GAREM1: variants seen among roughly 807,000 people sequenced by gnomAD.
GAREM1 encodes GRB2 associated regulator of MAPK1 subtype 1.
Under a neutral mutation model 71.3 loss-of-function variants are expected in GAREM1, and 26 were observed. That is an observed-to-expected ratio of 0.36 (90% CI 0.27 to 0.51). The LOEUF is 0.51. Ranked by LOEUF, GAREM1 falls within the 20% of genes least tolerant of loss-of-function variation. GAREM1 has a pLI of 0.95. For synonymous variants in GAREM1, 440 were observed against 433.2 expected, an observed-to-expected ratio of 1.02 and a Z score of -0.20; for missense variants, 1,026 against 1,103.1, an observed-to-expected ratio of 0.93 and a Z score of 0.99.
intron 2 of GAREM1, among the ~76,000 whole-genome samples, chr18:32,347,531 A>G (rs193266685): frequency 8.1e-4 from 123 of 152,232 alleles, no homozygotes; most frequent in African/African-American, 2.8e-3. Context: ...GAGAAAAGAA[A>G]TCTTAAATAG....
At chr18:32,387,143 T>C (rs1043461989) in intron 2 of GAREM1, among the ~76,000 whole-genome samples, 1 of 152,062 alleles carries the variant, frequency 6.6e-6, no homozygotes, top group Admixed American at 6.6e-5. Context: ...GGGGATCTGC[T>C]TGACTGGTCA....
At chr18:32,449,557 A>G (rs2048814752) in intron 1 of GAREM1, among the ~76,000 whole-genome samples, 1 of 152,014 alleles carries the variant, frequency 6.6e-6, no homozygotes, top group Admixed American at 6.6e-5. Context: ...GGTGGTGCAC[A>G]CCTGTAGTCC....
At chr18:32,351,969 T>C (rs1466733271) in intron 2 of GAREM1, among the ~76,000 whole-genome samples, 2 of 152,162 alleles carry the variant, frequency 1.3e-5, no homozygotes, top group Non-Finnish European at 2.9e-5. Flanking sequence ...TTGGTACAAA[T>C]GTCCCAATTT....
intron 2 of GAREM1, among the ~76,000 whole-genome samples, chr18:32,359,371 C>T (rs996223590): frequency 6.6e-6 from 1 of 152,022 alleles, no homozygotes; most frequent in East Asian, 1.9e-4. Context: ...CTTATCACAC[C>T]GCATATACTC....
chr18:32,461,915 A>G (rs1010362556), intron 1 of GAREM1, among the ~76,000 whole-genome samples: 3 of 152,164 alleles, frequency 2.0e-5, no homozygotes, highest in Non-Finnish European at 4.4e-5. Flanking sequence ...TCAAACAAAA[A>G]TAAACGAGTT....
At chr18:32,301,835 C>T (rs919848181) in intron 3 of GAREM1, among the ~76,000 whole-genome samples, 3 of 152,108 alleles carry the variant, frequency 2.0e-5, no homozygotes, top group African/African-American at 7.2e-5. Flanking sequence ...AACTTTTGTT[C>T]ATATAAGTTG....
intron 1 of GAREM1, chr18:32,413,354 A>G: frequency 1.5e-6 from 1 of 689,624 alleles, no homozygotes; most frequent in Non-Finnish European, 2.4e-6. Flanking sequence ...TGAAAGAAAC[A>G]AAGACTCATA....
intron 2 of GAREM1, among the ~76,000 whole-genome samples, chr18:32,356,899 C>T (rs536462677): frequency 2.0e-5 from 3 of 152,164 alleles, no homozygotes; most frequent in South Asian, 2.1e-4. Context: ...CCCTCCACCC[C>T]CAACCATGGC....
intron 2 of GAREM1, among the ~76,000 whole-genome samples, chr18:32,382,852 G>A (rs1314298895): frequency 6.6e-6 from 1 of 152,086 alleles, no homozygotes; most frequent in Non-Finnish European, 1.5e-5. Context: ...ACCCTAGGTG[G>A]ACAGAGAACT....
chr18:32,452,178 T>C (rs946934005), intron 1 of GAREM1, among the ~76,000 whole-genome samples: 4 of 152,128 alleles, frequency 2.6e-5, no homozygotes, highest in African/African-American at 9.7e-5. Flanking sequence ...TTACATATTA[T>C]TATAACATAC....
At chr18:32,413,932 A>G (rs2048443693) in intron 1 of GAREM1, among the ~76,000 whole-genome samples, 1 of 152,134 alleles carries the variant, frequency 6.6e-6, no homozygotes. Flanking sequence ...ACAAAAGAAA[A>G]TCACTTTGAC....
chr18:32,335,954 G>C (rs2047587941), intron 2 of GAREM1, among the ~76,000 whole-genome samples: 1 of 152,184 alleles, frequency 6.6e-6, no homozygotes, highest in African/African-American at 2.4e-5. Flanking sequence ...GGAGTGCACT[G>C]TAAGCAGCGA....
At chr18:32,400,334 A>C (rs2048301647) in intron 1 of GAREM1, among the ~76,000 whole-genome samples, 1 of 152,206 alleles carries the variant, frequency 6.6e-6, no homozygotes, top group Non-Finnish European at 1.5e-5. Flanking sequence ...GGATCTAATT[A>C]AACTAAAGAG....
chr18:32,465,572 CT>C (rs1369658064), intron 1 of GAREM1, among the ~76,000 whole-genome samples: 13 of 152,322 alleles, frequency 8.5e-5, no homozygotes, highest in Admixed American at 8.5e-4. Flanking sequence ...GTCTCCTACT[CT>C]TTTTCTTCCC....
At chr18:32,367,766 C>A (rs1158091438) in intron 2 of GAREM1, among the ~76,000 whole-genome samples, 1 of 152,078 alleles carries the variant, frequency 6.6e-6, no homozygotes, top group African/African-American at 2.4e-5. Context: ...CCATACAAAG[C>A]AACAGGGAGA....
chr18:32,300,076 GA>G (rs1462140893), intron 3 of GAREM1, among the ~76,000 whole-genome samples: 1 of 152,130 alleles, frequency 6.6e-6, no homozygotes, highest in Non-Finnish European at 1.5e-5. Context: ...TAAGATAGTA[GA>G]AAAGTGTATT....
At chr18:32,282,877 C>G (rs907397729) in intron 4 of GAREM1, among the ~76,000 whole-genome samples, 3 of 152,178 alleles carry the variant, frequency 2.0e-5, no homozygotes, top group Non-Finnish European at 4.4e-5. Context: ...TTGAAGATTG[C>G]CTTTTGTAGA....
At chr18:32,397,202 C>T (rs965832001) in intron 1 of GAREM1, among the ~76,000 whole-genome samples, 1 of 152,132 alleles carries the variant, frequency 6.6e-6, no homozygotes, top group African/African-American at 2.4e-5. Flanking sequence ...AAAAACATGC[C>T]AAATTGTAAA....
intron 1 of GAREM1, among the ~76,000 whole-genome samples, chr18:32,411,051 C>T (rs1413095267): frequency 6.6e-6 from 1 of 152,220 alleles, no homozygotes; most frequent in Non-Finnish European, 1.5e-5. Flanking sequence ...GATCTGCCCA[C>T]CTCAGCCTCC....
Sources: allele counts gnomAD v4.1 joint callset (sites outside exome capture counted in the v4.1 genomes callset), GRCh38; gene constraint gnomAD v4.1.1; transcripts MANE v1.5; gene names NCBI Gene and HGNC (gene_info 2026-07-23, HGNC 2026-07-21).